CNTNAP4: variants seen among roughly 807,000 people sequenced by gnomAD.
CNTNAP4 encodes contactin associated protein family member 4.
Under a neutral mutation model 148.4 loss-of-function variants are expected in CNTNAP4, and 98 were observed. That is an observed-to-expected ratio of 0.66 (90% confidence interval 0.56 to 0.78). The LOEUF is 0.78. Ranked by LOEUF, CNTNAP4 falls within the 30% of genes least tolerant of loss-of-function variation. CNTNAP4 has a pLI of 0.00. For synonymous variants in CNTNAP4, 730 were observed against 565.1 expected (o/e 1.29, Z -4.14); for missense variants, 1,935 against 1,565.6 (o/e 1.24, Z -3.98).
chr16:76,432,985 T>C (rs1358400253), intron 4 of CNTNAP4, among the ~76,000 whole-genome samples: 1 of 152,154 alleles, frequency 6.6e-6, no homozygotes, highest in Non-Finnish European at 1.5e-5. Context: ...ATAACTCTCT[T>C]ACTCATTCTT....
At chr16:76,452,310 G>T (rs1484799138) in intron 7 of CNTNAP4, among the ~76,000 whole-genome samples, 198 bp from the exon 8 acceptor site, 1 of 152,140 alleles carries the variant, frequency 6.6e-6, no homozygotes, top group Non-Finnish European at 1.5e-5. Flanking sequence ...TTATATTAAA[G>T]TTGAGAAATG....
chr16:76,350,952 C>G (rs747654113), intron 2 of CNTNAP4, among the ~76,000 whole-genome samples: 2 of 152,006 alleles, frequency 1.3e-5, no homozygotes, highest in Non-Finnish European at 2.9e-5. Context: ...AGGAAACCTG[C>G]AGTATGGGGA....
intron 3 of CNTNAP4, 33 bp downstream of exon 3, chr16:76,355,544 G>A (rs2866712): frequency 0.32 from 489,586 of 1,517,766 alleles, 84,247 homozygotes; most frequent in Non-Finnish European, 0.36. Flanking sequence ...TAGTCTCTCG[G>A]GGAAAAAGTA....
intron 8 of CNTNAP4, among the ~76,000 whole-genome samples, chr16:76,459,496 C>A (rs906022185): frequency 1.3e-5 from 2 of 152,064 alleles, no homozygotes; most frequent in Non-Finnish European, 2.9e-5. Flanking sequence ...TGTGCCCTGG[C>A]TAAAATTTGT....
In CNTNAP4 at chr16:76,497,510, C is replaced by T. The variant is rs1409773390; in HGVS notation, c.2238-1057C>T. Among the ~76,000 whole-genome samples the T allele has an allele frequency of 3.3e-5, 5 of 151,640 alleles. No homozygotes were observed. In the East Asian group the frequency reaches 9.8e-4, roughly 30 times the overall value. On this transcript the variant is annotated intron_variant, in intron 14 of 23. Transcript: ENST00000611870. ...GAAGTACAAGAAATCATATGGGGGG[C>T]AGCCATAAAAAAGGATGAGTTCATG...
chr16:76,410,343 G>A (rs2078748792), intron 3 of CNTNAP4, among the ~76,000 whole-genome samples: 2 of 151,748 alleles, frequency 1.3e-5, no homozygotes, highest in African/African-American at 4.8e-5. Context: ...CCAAATTTCA[G>A]ACATCCTAGC....
rs397745852 is a variant in CNTNAP4 at position 76,360,815 on chromosome 16, A to ATTTT, written c.390+5320_390+5323dup. 3.4e-3 allele frequency among the ~76,000 whole-genome samples: 414 copies of ATTTT among 122,302 alleles called. 3 individuals are homozygous for ATTTT. The highest frequency in any genetic ancestry group is 0.012 in the African/African-American group (385 of 32,078). 80.2% of individuals were successfully genotyped at this position (122,302 alleles called of 152,430 possible). On this transcript the variant is annotated intron_variant, in intron 3 of 23. Transcript: ENST00000611870. ...TAATGCCTGGTTAAAACATGGCTGC[A>ATTTT]TTTTTTTTTTTTTTTTTTTGAGATG...
chr16:76,365,209 C>G (rs1427725598), intron 3 of CNTNAP4, among the ~76,000 whole-genome samples: 6 of 152,032 alleles, frequency 3.9e-5, no homozygotes, highest in Admixed American at 3.3e-4. Context: ...ATTTCTGAGG[C>G]CTCTGTTCTG....
intron 21 of CNTNAP4, among the ~76,000 whole-genome samples, chr16:76,544,516 G>C (rs1303416495): frequency 6.6e-6 from 1 of 152,028 alleles, no homozygotes; most frequent in Non-Finnish European, 1.5e-5. Context: ...AAATATAGAA[G>C]TACTTAATAA....
chr16:76,552,662 A>G (rs375828663), intron 21 of CNTNAP4, among the ~76,000 whole-genome samples: 19 of 152,302 alleles, frequency 1.2e-4, no homozygotes, highest in African/African-American at 4.3e-4. Flanking sequence ...ATAGGGGTAT[A>G]AAGGGTTTTA....
At chr16:76,390,731 T>C (rs2016914345) in intron 3 of CNTNAP4, among the ~76,000 whole-genome samples, 1 of 152,222 alleles carries the variant, frequency 6.6e-6, no homozygotes, top group Non-Finnish European at 1.5e-5. Flanking sequence ...CTAGGATTTT[T>C]ATTTCATCCT....
chr16:76,337,725 C>A (rs1366256273), intron 2 of CNTNAP4, among the ~76,000 whole-genome samples: 1 of 152,046 alleles, frequency 6.6e-6, no homozygotes, highest in African/African-American at 2.4e-5. Context: ...GTATTTCATC[C>A]CTTATCTTCA....
At chr16:76,449,935 T>C in intron 7 of CNTNAP4, 77 bp downstream of exon 7, 1 of 1,330,942 alleles carries the variant, frequency 7.5e-7, no homozygotes, top group Middle Eastern at 1.8e-4. Flanking sequence ...CATTTTAGGT[T>C]CCCATTTGAC....
chr16:76,423,167 T>A (rs1176713906), intron 3 of CNTNAP4, among the ~76,000 whole-genome samples: 1 of 152,150 alleles, frequency 6.6e-6, no homozygotes, highest in African/African-American at 2.4e-5. Context: ...GAAAAATAAA[T>A]TTTTGTTGTT....
At chr16:76,532,822 CAG>C (rs1470044261) in intron 17 of CNTNAP4, among the ~76,000 whole-genome samples, 2 of 152,112 alleles carry the variant, frequency 1.3e-5, no homozygotes, top group East Asian at 3.9e-4. Flanking sequence ...GTTGAGTCAA[CAG>C]AGTGGAAGAA....
At chr16:76,491,763 G>A (rs1597720290) in intron 13 of CNTNAP4, among the ~76,000 whole-genome samples, 1 of 152,104 alleles carries the variant, frequency 6.6e-6, no homozygotes, top group African/African-American at 2.4e-5. Context: ...TCAGTGTTCG[G>A]CTTATTCTGT....
chr16:76,477,396 A>C (rs1348850651), intron 11 of CNTNAP4, among the ~76,000 whole-genome samples: 1 of 152,124 alleles, frequency 6.6e-6, no homozygotes, highest in Non-Finnish European at 1.5e-5. Flanking sequence ...CCTTGATTTA[A>C]GGTAAGAGTA....
At chr16:76,352,309 C>T (rs2011912650) in intron 2 of CNTNAP4, among the ~76,000 whole-genome samples, 1 of 152,098 alleles carries the variant, frequency 6.6e-6, no homozygotes, top group Admixed American at 6.6e-5. Context: ...AAAACTCATC[C>T]ACACGCCATG....
At chr16:76,310,636 G>T (rs377043154) in intron 1 of CNTNAP4, among the ~76,000 whole-genome samples, 1 of 152,098 alleles carries the variant, frequency 6.6e-6, no homozygotes, top group Non-Finnish European at 1.5e-5. Context: ...AACTATGTTT[G>T]CTACCTATTC....
Sources: allele counts gnomAD v4.1 joint callset (sites outside exome capture counted in the v4.1 genomes callset), GRCh38; gene constraint gnomAD v4.1.1; transcripts MANE v1.5; gene names NCBI Gene and HGNC (gene_info 2026-07-23, HGNC 2026-07-21).